Variants in ITSN1 observed in about 807,000 individuals in gnomAD.
ITSN1 encodes the protein intersectin 1.
In ITSN1, 58 loss-of-function variants were observed where a neutral mutation model predicts 239.8. The observed-to-expected ratio is 0.24, with a 90% CI of 0.20 to 0.30. The LOEUF (loss-of-function observed/expected upper bound fraction) is 0.30, where lower values mean the gene tolerates loss of function less well. Among genes scored for constraint, ITSN1 ranks in the 10% least tolerant of loss-of-function variants. The probability of loss-of-function intolerance (pLI) is 1.00; values close to 1 mark genes in which losing one functional copy is unlikely to be tolerated. For missense variants in ITSN1, 1,558 were observed against 2,103.3 expected (o/e 0.74, Z 5.07); for synonymous variants, 780 against 770.8 (o/e 1.01, Z -0.20).
At chr21:33,842,494 CGGTG>C (rs1392684019) in intron 29 of ITSN1, among the ~76,000 whole-genome samples, 1 of 121,754 alleles carries the variant, frequency 8.2e-6, no homozygotes, top group Non-Finnish European at 1.6e-5. Context: ...ATGATGTCAA[CGGTG>C]TGTGTGTGTG....
chr21:33,683,188 C>CT lies in ITSN1; in HGVS notation c.-32-35597dup, dbSNP rs904090227. ...CAGCTCCTGGGGAATCAGGCGCTGACTTTTTTTTTTTTCCTCCTGCTTTTA... is the reference window on the plus strand; with the variant it reads ...CAGCTCCTGGGGAATCAGGCGCTGACTTTTTTTTTTTTTCCTCCTGCTTTTA... On this transcript the variant is annotated intron_variant, in intron 1 of 39. Coordinates refer to ENST00000381318, the MANE Select transcript of ITSN1 (RefSeq NM_003024.3). Among the ~76,000 whole-genome samples, 575 of 145,418 alleles carry CT rather than the reference C, an allele frequency of 4.0e-3. 3 individuals are homozygous for CT. Among genetic ancestry groups the CT allele is most frequent in the African/African-American group, 0.013 (514 of 39,968 alleles).
intron 1 of ITSN1, among the ~76,000 whole-genome samples, chr21:33,700,640 A>G (rs1279641980): frequency 6.6e-6 from 1 of 152,188 alleles, no homozygotes; most frequent in Non-Finnish European, 1.5e-5. Context: ...GACACCAGGC[A>G]TGCTTTGGTT....
At chr21:33,715,590 T>C (rs1309044292) in intron 1 of ITSN1, among the ~76,000 whole-genome samples, 1 of 152,162 alleles carries the variant, frequency 6.6e-6, no homozygotes, top group Non-Finnish European at 1.5e-5. Context: ...CTATACAATA[T>C]ATTGAATGAG....
chr21:33,680,596 G>T (rs534193796), intron 1 of ITSN1, among the ~76,000 whole-genome samples: 49 of 152,290 alleles, frequency 3.2e-4, no homozygotes, highest in African/African-American at 1.1e-3. Context: ...CTCCCAAAGT[G>T]CTGGGATTGC....
chr21:33,758,352 C>T (rs987970720), intron 8 of ITSN1, among the ~76,000 whole-genome samples: 2 of 152,160 alleles, frequency 1.3e-5, no homozygotes, highest in African/African-American at 4.8e-5. Flanking sequence ...TGAGCTTAAG[C>T]GATCTGCTTA....
At chr21:33,654,247 G>A (rs1460717680) in intron 1 of ITSN1, among the ~76,000 whole-genome samples, 8 of 145,000 alleles carry the variant, frequency 5.5e-5, no homozygotes, top group African/African-American at 1.8e-4. Flanking sequence ...TTGGAGAGAC[G>A]ATCTCGCTGT....
intron 22 of ITSN1, chr21:33,817,560 C>T (rs2073370498): frequency 7.7e-7 from 1 of 1,303,188 alleles, no homozygotes; most frequent in African/African-American, 1.5e-5. Flanking sequence ...GTTTTTATCT[C>T]TGTCTTCCCC....
intron 27 of ITSN1, among the ~76,000 whole-genome samples, chr21:33,832,187 A>G (rs1223882621): frequency 6.6e-6 from 1 of 151,920 alleles, no homozygotes; most frequent in African/African-American, 2.4e-5. Context: ...TGTTCATGAC[A>G]TTTCTCACCA....
At chr21:33,833,713 AAAAC>A (rs1333482706) in intron 27 of ITSN1, among the ~76,000 whole-genome samples, 1 of 152,066 alleles carries the variant, frequency 6.6e-6, no homozygotes, top group Non-Finnish European at 1.5e-5. Flanking sequence ...TAAAAATACA[AAAAC>A]AAAATTAGCC....
intron 20 of ITSN1, among the ~76,000 whole-genome samples, chr21:33,808,845 GTGTT>G (rs968974851): frequency 5.3e-5 from 8 of 152,134 alleles, no homozygotes; most frequent in African/African-American, 1.9e-4. Flanking sequence ...AAGTTATTGT[GTGTT>G]TGGCTCAAGC....
intron 24 of ITSN1, 96 bp from the exon 25 acceptor site, chr21:33,823,391 C>G (rs967352847): frequency 9.0e-7 from 1 of 1,109,794 alleles, no homozygotes; most frequent in Non-Finnish European, 1.3e-6. Context: ...GGATCTTGTC[C>G]TAACTTCCTT....
At chr21:33,880,431 C>T (rs1984707391) in intron 34 of ITSN1, among the ~76,000 whole-genome samples, 1 of 152,140 alleles carries the variant, frequency 6.6e-6, no homozygotes, top group Non-Finnish European at 1.5e-5. Flanking sequence ...TCTCCAGGCT[C>T]CTGCCTGGAG....
Position 33,657,301 on chromosome 21 carries a change from C to T in ITSN1, c.-33+14588C>T, listed in dbSNP as rs541285668. On this transcript the variant is annotated intron_variant, in intron 1 of 39. Transcript: ENST00000381318. ...TTTCTGCAGAAGCTTTCTTGACCTT[C>T]TCCTTTTATCTCTGATTGTCAGTTT... Among the ~76,000 whole-genome samples, 269 of 152,300 alleles carry T rather than the reference C, an allele frequency of 1.8e-3. 2 individuals carry two copies. The highest frequency in any genetic ancestry group is 6.2e-3 in the African/African-American group (259 of 41,566).
chr21:33,884,722 T>C (rs190904992), intron 36 of ITSN1, among the ~76,000 whole-genome samples: 1 of 152,320 alleles, frequency 6.6e-6, no homozygotes, highest in East Asian at 1.9e-4. Context: ...TAGGCAAATA[T>C]GTGCTGCTCT....
chr21:33,749,411 G>A (rs570864099), intron 5 of ITSN1, among the ~76,000 whole-genome samples: 1 of 152,146 alleles, frequency 6.6e-6, no homozygotes, highest in Non-Finnish European at 1.5e-5. Flanking sequence ...GGGAGGCCAA[G>A]GCAGGTGGAT....
At chr21:33,867,766 G>C (rs1223006581) in intron 33 of ITSN1, among the ~76,000 whole-genome samples, 1 of 152,152 alleles carries the variant, frequency 6.6e-6, no homozygotes, top group Non-Finnish European at 1.5e-5. Context: ...GGCGCGTCTG[G>C]AGTTTGTTCC....
chr21:33,803,356 A>G lies in ITSN1; in HGVS notation c.2319+912A>G, dbSNP rs139013050. On this transcript the variant is annotated intron_variant, in intron 20 of 39. Coordinates refer to ENST00000381318, the MANE Select transcript of ITSN1 (RefSeq NM_003024.3). ...TTCTTCTCCTTCCTCTTTTGGGCAC[A>G]TGCACAAATATGTGTGTACATGGAT... Among the ~76,000 whole-genome samples the G allele has an allele frequency of 2.4e-4, 36 of 152,330 alleles. 1 individual carries two copies. Among genetic ancestry groups the G allele is most frequent in the African/African-American group, 8.7e-4 (36 of 41,572 alleles).
intron 1 of ITSN1, among the ~76,000 whole-genome samples, chr21:33,658,132 A>G (rs1364479650): frequency 6.6e-6 from 1 of 152,370 alleles, no homozygotes; most frequent in African/African-American, 2.4e-5. Context: ...ACAATAAACT[A>G]GAGAAAGGAA....
intron 4 of ITSN1, among the ~76,000 whole-genome samples, chr21:33,732,074 T>C (rs576236540): frequency 3.9e-5 from 6 of 152,218 alleles, no homozygotes; most frequent in Admixed American, 3.3e-4. Context: ...GAGTTTTTAA[T>C]TGGCATTTCA....
Sources: allele counts gnomAD v4.1 joint callset (sites outside exome capture counted in the v4.1 genomes callset), GRCh38; gene constraint gnomAD v4.1.1; transcripts MANE v1.5; gene names NCBI Gene and HGNC (gene_info 2026-07-23, HGNC 2026-07-21).